RPH3A: variants seen among roughly 807,000 people sequenced by gnomAD.
RPH3A encodes the protein rabphilin 3A.
In RPH3A, 48 loss-of-function variants were observed where a neutral mutation model predicts 102.2. The observed-to-expected ratio is 0.47, with a 90% confidence interval of 0.37 to 0.60. The LOEUF is 0.60. Among genes scored for constraint, RPH3A ranks in the 20% least tolerant of loss-of-function variants. The pLI, the probability that RPH3A is intolerant of heterozygous loss-of-function variation, is 0.00. For missense variants in RPH3A, 781 were observed against 910.1 expected, an observed-to-expected ratio of 0.86 and a Z score of 1.83; for synonymous variants, 310 against 324.3, an observed-to-expected ratio of 0.96 and a Z score of 0.47.
chr12:112,874,966 C>A, intron 10 of RPH3A, 118 bp from the exon 11 acceptor site: 1 of 710,822 alleles, frequency 1.4e-6, no homozygotes, highest in Non-Finnish European at 2.3e-6. Context: ...GAGTGAGGAG[C>A]TGCCTCCAGT....
intron 1 of RPH3A, among the ~76,000 whole-genome samples, chr12:112,629,688 G>T (rs1189725609): frequency 2.6e-5 from 4 of 151,700 alleles, no homozygotes; most frequent in Non-Finnish European, 5.9e-5. Context: ...TGCTGCCCGG[G>T]CTGGTCTGAA....
chr12:112,764,369 G>A (rs1327297928), intron 1 of RPH3A, among the ~76,000 whole-genome samples: 3 of 152,184 alleles, frequency 2.0e-5, no homozygotes, highest in Non-Finnish European at 2.9e-5. Context: ...ACTAGCAAAG[G>A]TGGTCTTGTT....
intron 1 of RPH3A, among the ~76,000 whole-genome samples, chr12:112,686,938 G>T (rs182689362): frequency 6.6e-6 from 1 of 151,892 alleles, no homozygotes; most frequent in African/African-American, 2.4e-5. Context: ...TTGCGACACC[G>T]TCTCTGCCAA....
At chr12:112,667,706 G>C (rs897391666) in intron 1 of RPH3A, among the ~76,000 whole-genome samples, 1 of 139,184 alleles carries the variant, frequency 7.2e-6, no homozygotes, top group Non-Finnish European at 1.5e-5. Context: ...GAGAGAGAGA[G>C]AGAGAGAGAG....
At chr12:112,820,576 C>T (rs141425922) in intron 2 of RPH3A, among the ~76,000 whole-genome samples, 90 of 152,252 alleles carry the variant, frequency 5.9e-4, no homozygotes, top group African/African-American at 2.0e-3. Context: ...TCAATGAAGC[C>T]ATCCACTGCA....
intron 1 of RPH3A, among the ~76,000 whole-genome samples, chr12:112,712,642 A>C (rs1290066254): frequency 6.6e-6 from 1 of 151,060 alleles, no homozygotes; most frequent in East Asian, 2.0e-4. Context: ...TTTGGTGCTC[A>C]TTTGTCCCCT....
At chr12:112,691,477 A>G (rs7301951) in intron 1 of RPH3A, among the ~76,000 whole-genome samples, 13,974 of 152,290 alleles carry the variant, frequency 0.092, 769 homozygotes, top group South Asian at 0.14. Context: ...TTTTACTTAA[A>G]AACATTATGA....
At chr12:112,737,168 ACAAAAT>A (rs2040675629) in intron 1 of RPH3A, among the ~76,000 whole-genome samples, 1 of 150,878 alleles carries the variant, frequency 6.6e-6, no homozygotes, top group Non-Finnish European at 1.5e-5. Flanking sequence ...AAAAAAAAAA[ACAAAAT>A]AAAAAAAAAA....
At chr12:112,619,963 T>G (rs2039710754) in intron 1 of RPH3A, among the ~76,000 whole-genome samples, 2 of 152,174 alleles carry the variant, frequency 1.3e-5, no homozygotes, top group Non-Finnish European at 2.9e-5. Flanking sequence ...ATAGTTCACA[T>G]AACTAAAATG....
At chr12:112,641,130 A>G (rs1245010824) in intron 1 of RPH3A, among the ~76,000 whole-genome samples, 1 of 152,250 alleles carries the variant, frequency 6.6e-6, no homozygotes, top group Non-Finnish European at 1.5e-5. Context: ...GATTGCAGCC[A>G]TACGCTAGCA....
chr12:112,829,360 T>A (rs2041931529), intron 3 of RPH3A, among the ~76,000 whole-genome samples: 1 of 148,960 alleles, frequency 6.7e-6, no homozygotes, highest in Non-Finnish European at 1.5e-5. Context: ...TGCCTTGACC[T>A]CCTGGGCTCA....
chr12:112,890,872 C>A lies in RPH3A; in HGVS notation c.1644C>A (p.Ile548=). The A allele has an allele frequency of 1.2e-6, 2 of 1,613,866 alleles. No individual in the cohort carries two copies. Among genetic ancestry groups the A allele is most frequent in the Non-Finnish European group, 1.7e-6 (2 of 1,179,916 alleles). Residue 548 remains isoleucine, a synonymous_variant, in exon 19 of 22, where the codon ATC becomes ATA. Transcript: ENST00000389385. ...EEEQVERVGD[I]EERGKILVSL... ...AGCAGGTGGAGCGTGTTGGTGACAT[C>A]GAGGAGCGTGGCAAGATCCTGGTCT...
chr12:112,827,812 G>A (rs1442527856), intron 2 of RPH3A, among the ~76,000 whole-genome samples: 1 of 151,944 alleles, frequency 6.6e-6, no homozygotes, highest in African/African-American at 2.4e-5. Flanking sequence ...ATGGGTTGAT[G>A]GGTGCAGCAA....
intron 1 of RPH3A, among the ~76,000 whole-genome samples, chr12:112,627,209 TA>T: frequency 6.6e-6 from 1 of 151,418 alleles, no homozygotes; most frequent in Middle Eastern, 3.4e-3. Flanking sequence ...TAAAGTATAA[TA>T]AAAATAATTT....
At chr12:112,712,577 C>T (rs1038969652) in intron 1 of RPH3A, among the ~76,000 whole-genome samples, 4 of 152,176 alleles carry the variant, frequency 2.6e-5, no homozygotes, top group Admixed American at 2.6e-4. Flanking sequence ...AATCACAGCC[C>T]TGTCCCCAAT....
intron 4 of RPH3A, among the ~76,000 whole-genome samples, chr12:112,838,235 TG>T (rs1425214799): frequency 6.6e-6 from 1 of 152,120 alleles, no homozygotes; most frequent in Admixed American, 6.5e-5. Flanking sequence ...GAGTTCCCAG[TG>T]GGGGACACGG....
At chr12:112,875,213 C>A (rs777658584) in intron 11 of RPH3A, 43 bp downstream of exon 11, 2 of 1,461,994 alleles carry the variant, frequency 1.4e-6, no homozygotes, top group Non-Finnish European at 1.9e-6. Context: ...GGCTGTCACT[C>A]GGCTGTGACC....
chr12:112,633,624 C>T (rs940401266), intron 1 of RPH3A, among the ~76,000 whole-genome samples: 5 of 152,162 alleles, frequency 3.3e-5, no homozygotes, highest in East Asian at 1.9e-4. Flanking sequence ...TGCCCCTCAA[C>T]GTTGAACTTC....
intron 1 of RPH3A, among the ~76,000 whole-genome samples, chr12:112,761,363 G>T (rs2040854117): frequency 6.6e-6 from 1 of 152,174 alleles, no homozygotes; most frequent in Admixed American, 6.5e-5. Context: ...GAATGTAGTG[G>T]GTAGGCAATG....
Sources: gnomAD v4.1 joint callset for allele counts (sites outside exome capture counted in the v4.1 genomes callset) on GRCh38, gnomAD v4.1.1 for gene constraint, MANE v1.5 for transcripts, NCBI Gene and HGNC (gene_info 2026-07-23, HGNC 2026-07-21) for gene names.